Variants in ATP8A1 observed in about 807,000 individuals in gnomAD.
ATP8A1 encodes phospholipid-transporting ATPase IA.
ATP8A1 carries 90 observed loss-of-function variants against 177.7 expected under a neutral mutation model. That is an observed-to-expected ratio of 0.51 (90% CI 0.43 to 0.60). The LOEUF is 0.60. ATP8A1 is among the 20% of genes least tolerant of loss of function. The pLI is 0.00. For synonymous variants in ATP8A1, 493 were observed against 485.9 expected (o/e 1.01, Z -0.19); for missense variants, 1,072 against 1,392.8 (o/e 0.77, Z 3.67).
At chr4:42,556,464 A>G (rs944804879) in intron 15 of ATP8A1, among the ~76,000 whole-genome samples, 2 of 152,196 alleles carry the variant, frequency 1.3e-5, no homozygotes, top group Admixed American at 6.5e-5. Flanking sequence ...AGAAATCTTT[A>G]TATGTAGTGA....
Position 42,556,927 on chromosome 4 carries a change from C to A in ATP8A1, c.1341-887G>T, listed in dbSNP as rs1730299816. ...TAATCCAGAAAGCTTTTGATCACAA[C>A]ATTAACAGGTTACAAAGAGTATTAT... On this transcript the variant is annotated intron_variant, in intron 15 of 36. Coordinates refer to ENST00000381668, the MANE Select transcript of ATP8A1 (RefSeq NM_006095.2). 2.6e-5 allele frequency among the ~76,000 whole-genome samples: 4 copies of A among 152,144 alleles called. 1 individual carries two copies. The highest frequency in any genetic ancestry group is 1.3e-4 in the Admixed American group (2 of 15,276).
intron 15 of ATP8A1, among the ~76,000 whole-genome samples, chr4:42,568,869 G>A (rs915187181): frequency 7.2e-5 from 11 of 152,086 alleles, no homozygotes; most frequent in Non-Finnish European, 1.3e-4. Flanking sequence ...GCTGAAACCT[G>A]AGGTAGTCCA....
chr4:42,572,186 C>T (rs543921649), intron 14 of ATP8A1, among the ~76,000 whole-genome samples: 13 of 152,292 alleles, frequency 8.5e-5, no homozygotes, highest in African/African-American at 2.4e-4. Flanking sequence ...GGCATAAACA[C>T]CTTGCTTTCT....
At chr4:42,602,698 G>T (rs1471475432) in intron 5 of ATP8A1, among the ~76,000 whole-genome samples, 1 of 152,178 alleles carries the variant, frequency 6.6e-6, no homozygotes, top group Middle Eastern at 3.2e-3. Context: ...GACCCCGCGA[G>T]GGGGAGGTTG....
At chr4:42,555,306 TATGGTACTGAGCAGATAA>T (rs1426092722) in intron 16 of ATP8A1, among the ~76,000 whole-genome samples, 1 of 150,478 alleles carries the variant, frequency 6.6e-6, no homozygotes, top group Non-Finnish European at 1.5e-5. Flanking sequence ...ATATTTAGCC[TATGGTACTGAGCAGATAA>T]CTTATTTCTA....
chr4:42,444,066 A>G (rs6833635), intron 32 of ATP8A1, among the ~76,000 whole-genome samples: 9 of 152,208 alleles, frequency 5.9e-5, no homozygotes, highest in African/African-American at 2.2e-4. Context: ...CCTTGTGGCA[A>G]TCTTTCCCAG....
chr4:42,587,006 TCCAACACATC>T (rs1733674880), intron 8 of ATP8A1, among the ~76,000 whole-genome samples: 2 of 152,166 alleles, frequency 1.3e-5, no homozygotes, highest in Non-Finnish European at 2.9e-5. Flanking sequence ...ATGATCTAGT[TCCAACACATC>T]CCAACCCTCC....
intron 31 of ATP8A1, among the ~76,000 whole-genome samples, chr4:42,445,762 T>A (rs539634457): frequency 6.6e-6 from 1 of 152,280 alleles, no homozygotes; most frequent in East Asian, 1.9e-4. Context: ...CAAAAATTAA[T>A]TTATGTGATC....
chr4:42,479,757 T>C (rs982279862), intron 25 of ATP8A1, among the ~76,000 whole-genome samples: 3 of 152,090 alleles, frequency 2.0e-5, no homozygotes, highest in African/African-American at 7.2e-5. Flanking sequence ...AAAGTTAGTA[T>C]GAAACAAAAC....
rs1159961484 is a variant in ATP8A1 at position 42,464,815 on chromosome 4, G to A, written c.2509-15C>T. 6.2e-7 allele frequency: 1 copy of A among 1,610,766 alleles called. No individual in the cohort carries two copies. The highest frequency in any genetic ancestry group is 8.5e-7 in the Non-Finnish European group (1 of 1,178,208). ...AAATATTTGAACTAAAACAAGAGTG[G>A]GAAAAAATTAGTATTTTCCTTTTCA... On this transcript the variant is annotated splice_polypyrimidine_tract_variant and intron_variant, in intron 26 of 36. Transcript: ENST00000381668.
At chr4:42,491,533 G>A (rs1248521513) in intron 24 of ATP8A1, among the ~76,000 whole-genome samples, 1 of 152,056 alleles carries the variant, frequency 6.6e-6, no homozygotes, top group Non-Finnish European at 1.5e-5. Context: ...TATCATAAAC[G>A]TGCAGTCATA....
intron 6 of ATP8A1, among the ~76,000 whole-genome samples, chr4:42,591,284 T>C (rs1025158168): frequency 2.0e-5 from 3 of 151,488 alleles, no homozygotes; most frequent in Non-Finnish European, 4.4e-5. Context: ...AAGAAAATAA[T>C]AATGAAAATT....
chr4:42,573,419 A>G (rs1171989098), intron 14 of ATP8A1, among the ~76,000 whole-genome samples: 1 of 152,142 alleles, frequency 6.6e-6, no homozygotes, highest in African/African-American at 2.4e-5. Flanking sequence ...CTCCAGTAGC[A>G]ATTTGTTGGG....
In ATP8A1 at chr4:42,590,834, T is replaced by C. The variant is rs1223669554; in HGVS notation, c.501A>G (p.Ala167=). The change falls in exon 7 of 37, where the codon GCA becomes GCG. Residue 167 remains alanine (A), a synonymous_variant. Transcript: ENST00000381668. ...ACCTTGAGGACAGACTGATGAGATC[T>C]GCTGGGAGATGTTCCCCATTGGTCA... The part of the protein sequence containing the change: ...VKVTNGEHLP[A]DLISLSSSEP... 3 of 1,613,826 alleles carry C rather than the reference T, an allele frequency of 1.9e-6. No homozygotes were observed. Among genetic ancestry groups the C allele is most frequent in the Non-Finnish European group, 2.5e-6 (3 of 1,179,922 alleles).
chr4:42,536,432 T>C (rs1389288970), intron 20 of ATP8A1, among the ~76,000 whole-genome samples: 1 of 151,846 alleles, frequency 6.6e-6, no homozygotes, highest in African/African-American at 2.4e-5. Flanking sequence ...TCTGAACAGA[T>C]CAGCAGCAAG....
At chr4:42,590,533 G>C (rs1048985639) in intron 7 of ATP8A1, among the ~76,000 whole-genome samples, 1 of 152,020 alleles carries the variant, frequency 6.6e-6, no homozygotes, top group African/African-American at 2.4e-5. Context: ...TATATTAATG[G>C]TGCACAGGAA....
chr4:42,511,073 G>T (rs550528640), intron 22 of ATP8A1, among the ~76,000 whole-genome samples: 1 of 152,134 alleles, frequency 6.6e-6, no homozygotes, highest in South Asian at 2.1e-4. Flanking sequence ...CTCCATAAGC[G>T]TGTTAATTTT....
At chr4:42,562,643 T>C (rs1730954819) in intron 15 of ATP8A1, among the ~76,000 whole-genome samples, 2 of 152,360 alleles carry the variant, frequency 1.3e-5, no homozygotes, top group South Asian at 4.1e-4. Flanking sequence ...TGTTTGGCTG[T>C]GTTCCCACCC....
At chr4:42,528,966 A>G (rs7698507) in intron 20 of ATP8A1, among the ~76,000 whole-genome samples, 4,575 of 152,258 alleles carry the variant, frequency 0.03, 224 homozygotes, top group African/African-American at 0.1. Flanking sequence ...GGTGAAGGAT[A>G]AGTTGTTGCA....
Sources: allele counts gnomAD v4.1 joint callset (sites outside exome capture counted in the v4.1 genomes callset), GRCh38; gene constraint gnomAD v4.1.1; transcripts MANE v1.5; gene names NCBI Gene and HGNC (gene_info 2026-07-23, HGNC 2026-07-21).